SPATA6: variants seen among roughly 807,000 people sequenced by gnomAD.
The protein encoded by SPATA6 is spermatogenesis associated 6, also known as spermatogenesis-associated protein 6.
A neutral mutation model predicts 65.3 loss-of-function variants in SPATA6; 56 were observed. The ratio of observed to expected loss-of-function variants is 0.86; its 90% CI spans 0.69 to 1.07. The LOEUF is 1.07. SPATA6 is among the 50% of genes least tolerant of loss of function. The pLI is 0.00. For missense variants in SPATA6, 590 were observed against 594.8 expected (o/e 0.99, Z 0.08); for synonymous variants, 199 against 213.2 (o/e 0.93, Z 0.58).
intron 6 of SPATA6, among the ~76,000 whole-genome samples, chr1:48,403,507 A>G (rs1287492308): frequency 1.3e-5 from 2 of 152,156 alleles, no homozygotes; most frequent in African/African-American, 2.4e-5. Flanking sequence ...TGATCCTAAC[A>G]TCTTTATGGC....
At position 48,298,854 on chromosome 1, in the gene SPATA6, G is replaced by A. The variant is rs756003946; in HGVS notation, c.1326C>T (p.Asp442=). 45 of 1,613,494 alleles carry A rather than the reference G, an allele frequency of 2.8e-5. No homozygotes were observed. Among genetic ancestry groups the A allele is most frequent in the African/African-American group, 1.1e-4 (8 of 74,852 alleles). Residue 442 remains aspartate (D), a synonymous_variant, in exon 13 of 13, where the codon GAC becomes GAT. Transcript: ENST00000371847. The part of the protein sequence containing the change: ...QQPRGTFHLD[D]GEYWSNRAAS... ...CTGCCCTGTTGGACCAGTATTCACC[G>A]TCATCCAAATGGAAAGTGCCACGTG... is the stretch of plus-strand genomic sequence containing the variant.
At chr1:48,318,979 C>G (rs1645520346) in intron 11 of SPATA6, among the ~76,000 whole-genome samples, 1 of 152,164 alleles carries the variant, frequency 6.6e-6, no homozygotes, top group Non-Finnish European at 1.5e-5. Context: ...TTATAGTCAA[C>G]TGATTTTTTT....
At chr1:48,279,827 T>A in the SPATA6 span, among the ~76,000 whole-genome samples, 2 of 152,082 alleles carry the variant, frequency 1.3e-5, no homozygotes, top group Non-Finnish European at 2.9e-5. Context: ...CTGCACCAAG[T>A]GGACCTAATA....
At chr1:48,275,065 A>G in the SPATA6 span, among the ~76,000 whole-genome samples, 1 of 152,070 alleles carries the variant, frequency 6.6e-6, no homozygotes, top group African/African-American at 2.4e-5. Flanking sequence ...ATTTCTTGTA[A>G]GTTTTATTCC....
the SPATA6 span, among the ~76,000 whole-genome samples, chr1:48,287,168 GCATGTCA>G: frequency 3.3e-5 from 5 of 152,124 alleles, no homozygotes; most frequent in Non-Finnish European, 7.3e-5. Flanking sequence ...GGGGGAGCAA[GCATGTCA>G]CATGTCAAAA....
intron 11 of SPATA6, among the ~76,000 whole-genome samples, chr1:48,344,017 A>G (rs1306315004): frequency 1.3e-5 from 2 of 152,172 alleles, no homozygotes; most frequent in African/African-American, 4.8e-5. Flanking sequence ...ATAGGTTTAT[A>G]CCCAAATATA....
chr1:48,350,566 A>C (rs1646488795), intron 11 of SPATA6, among the ~76,000 whole-genome samples: 1 of 151,922 alleles, frequency 6.6e-6, no homozygotes, highest in Non-Finnish European at 1.5e-5. Flanking sequence ...TCTATGATCT[A>C]TTTTGAATTA....
chr1:48,302,442 T>C (rs1430485640), intron 12 of SPATA6, among the ~76,000 whole-genome samples: 2 of 152,310 alleles, frequency 1.3e-5, no homozygotes, highest in South Asian at 2.1e-4. Flanking sequence ...TGTGTACCCA[T>C]TGTTTAGCTC....
chr1:48,328,591 T>C (rs1645830747), intron 11 of SPATA6, among the ~76,000 whole-genome samples: 1 of 151,508 alleles, frequency 6.6e-6, no homozygotes, highest in Admixed American at 6.6e-5. Context: ...TGCTTAGGAG[T>C]GGAGGAGAAA....
intron 11 of SPATA6, among the ~76,000 whole-genome samples, chr1:48,319,997 A>C (rs1030059932): frequency 6.6e-6 from 1 of 152,120 alleles, no homozygotes; most frequent in South Asian, 2.1e-4. Flanking sequence ...TCATGCCCCC[A>C]GTGCAGCCAC....
rs1368510158 is a variant in SPATA6 at position 48,363,953 on chromosome 1, TC to T, written c.910-4184del. ...CCTCTTAATGCTATCCCTCCCCCCT[TC>T]CCCCACCTCACAACAGTCCCCAGAG... On this transcript the variant is annotated intron_variant, in intron 9 of 12. Transcript: ENST00000371847. 5.9e-5 allele frequency among the ~76,000 whole-genome samples: 9 copies of T among 152,020 alleles called. No homozygotes were observed. In the East Asian group the frequency reaches 9.7e-4, roughly 16 times the overall value.
intron 8 of SPATA6, among the ~76,000 whole-genome samples, chr1:48,392,299 CA>C (rs796937824): frequency 1.3e-4 from 20 of 152,138 alleles, no homozygotes; most frequent in African/African-American, 4.8e-4. Context: ...CAGAGTCTAA[CA>C]TATTTCCTAA....
intron 5 of SPATA6, among the ~76,000 whole-genome samples, chr1:48,410,910 A>G (rs1652165177): frequency 6.6e-6 from 1 of 152,214 alleles, no homozygotes; most frequent in Admixed American, 6.5e-5. Flanking sequence ...ACCATATCAC[A>G]TGGTATAGCA....
In SPATA6 at chr1:48,437,164, C is replaced by G. The variant is rs555938731; in HGVS notation, c.238+14388G>C. The G allele has an allele frequency of 1.6e-5, 26 of 1,609,222 alleles. No homozygotes were observed. The Admixed American group carries it at 1.7e-4, about 10-fold the overall frequency. Reference sequence around the variant, plus strand: ...ATCAATACCATTGCCTCCAGTGTTACCTTGGACTGAGCCAGAATGTGATTT... The same window carrying G: ...ATCAATACCATTGCCTCCAGTGTTAGCTTGGACTGAGCCAGAATGTGATTT... On this transcript the variant is annotated intron_variant, in intron 3 of 12. Coordinates refer to ENST00000371847, the MANE Select transcript of SPATA6 (RefSeq NM_019073.4).
chr1:48,460,629 A>G (rs1338275390), intron 1 of SPATA6, among the ~76,000 whole-genome samples: 5 of 152,238 alleles, frequency 3.3e-5, no homozygotes, highest in Admixed American at 6.5e-5. Flanking sequence ...TTGAAAAGGA[A>G]GAAGTAAAAC....
intron 3 of SPATA6, among the ~76,000 whole-genome samples, chr1:48,422,279 C>T (rs773196601): frequency 2.6e-5 from 4 of 152,112 alleles, no homozygotes; most frequent in African/African-American, 4.8e-5. Flanking sequence ...AAGGCAGTGA[C>T]GAATGACAAA....
chr1:48,339,215 A>C (rs1646139675), intron 11 of SPATA6, among the ~76,000 whole-genome samples: 1 of 152,050 alleles, frequency 6.6e-6, no homozygotes, highest in Non-Finnish European at 1.5e-5. Flanking sequence ...AAAAAGACTT[A>C]ACTGTGATTT....
intron 3 of SPATA6, chr1:48,435,863 G>A (rs373324887): frequency 3.5e-5 from 43 of 1,215,028 alleles, no homozygotes; most frequent in East Asian, 3.0e-4. Context: ...GGCCATGGTC[G>A]CTGCTAGGTA....
chr1:48,385,040 T>C (rs1357913006), intron 9 of SPATA6, among the ~76,000 whole-genome samples: 1 of 152,214 alleles, frequency 6.6e-6, no homozygotes, highest in East Asian at 1.9e-4. Flanking sequence ...ACAACTGATT[T>C]CTCTCTCTCA....
Sources: allele counts gnomAD v4.1 joint callset (sites outside exome capture counted in the v4.1 genomes callset), GRCh38; gene constraint gnomAD v4.1.1; transcripts MANE v1.5; gene names NCBI Gene and HGNC (gene_info 2026-07-23, HGNC 2026-07-21).